The following TNNC2 variants were observed in gnomAD, a reference collection of about 807,000 sequenced individuals.
TNNC2 encodes troponin C2, fast skeletal type, also known as troponin C, skeletal muscle.
TNNC2 carries 14 observed loss-of-function variants against 20.0 expected under a neutral mutation model. That is an observed-to-expected ratio of 0.70 (90% CI 0.46 to 1.09). The LOEUF is 1.09. Ranked by LOEUF, TNNC2 falls within the 50% of genes least tolerant of loss-of-function variation. TNNC2 has a pLI of 0.00. For synonymous variants in TNNC2, 81 were observed against 77.3 expected (o/e 1.05, Z -0.25); for missense variants, 163 against 223.8 (o/e 0.73, Z 1.73).
Position 45,823,214 on chromosome 20 carries a change from T to G in TNNC2, c.*134A>C. ...GCTCTCCCCTCATTCAGGCCACGAG[T>G]TTTGGAACATTTGCTTTTATTCCTT... On this transcript the variant is annotated 3_prime_UTR_variant, in exon 6 of 6. Coordinates refer to ENST00000372555, the MANE Select transcript of TNNC2 (RefSeq NM_003279.3). The surrounding 1 kb of genome is among the most constrained non-coding windows in gnomAD (Gnocchi z 4.6). 3 of 848,700 alleles carry G rather than the reference T, an allele frequency of 3.5e-6. No individual in the cohort carries two copies. Among genetic ancestry groups the G allele is most frequent in the Non-Finnish European group, 5.1e-6 (3 of 592,386 alleles). The allele number at this position is 848,700 out of a possible 1,614,324, so 52.6% of individuals were successfully genotyped here.
chr20:45,829,848 C>G (rs184731215), upstream of TNNC2, among the ~76,000 whole-genome samples: 2,002 of 150,950 alleles, frequency 0.013, 51 homozygotes, highest in East Asian at 0.13. Flanking sequence ...CTCAAGTGAT[C>G]CGCCTGCCTC....
chr20:45,826,168 C>T (rs908524188), intron 1 of TNNC2, among the ~76,000 whole-genome samples: 3 of 152,028 alleles, frequency 2.0e-5, no homozygotes, highest in African/African-American at 4.8e-5. Flanking sequence ...TAATGGTGCC[C>T]GGTACTTTAA....
chr20:45,823,276 T>TG lies in TNNC2; in HGVS notation c.*71dup. 1.4e-6 allele frequency: 2 copies of TG among 1,434,776 alleles called. No homozygotes were observed. Among genetic ancestry groups the TG allele is most frequent in the Non-Finnish European group, 9.4e-7 (1 of 1,068,520 alleles). 88.9% of individuals were successfully genotyped at this position (1,434,776 alleles called of 1,614,324 possible). On this transcript the variant is annotated 3_prime_UTR_variant, in exon 6 of 6. Coordinates refer to ENST00000372555, the MANE Select transcript of TNNC2 (RefSeq NM_003279.3). The surrounding 1 kb of genome is among the most constrained non-coding windows in gnomAD (Gnocchi z 4.6). Reference sequence around the variant, plus strand: ...CCCACAAGGGGTCGCGCCTCCCTGGTGGGGACCCGGCAGGGCGGAGTCTCC... The same window carrying TG: ...CCCACAAGGGGTCGCGCCTCCCTGGTGGGGGACCCGGCAGGGCGGAGTCTCC...
In TNNC2 at chr20:45,823,292, C is replaced by T. The variant is rs1982855757; in HGVS notation, c.*56G>A. The T allele has an allele frequency of 2.2e-5, 33 of 1,497,364 alleles. No homozygotes were observed. Among genetic ancestry groups the T allele is most frequent in the South Asian group, 1.4e-4 (11 of 78,540 alleles). The allele number at this position is 1,497,364 out of a possible 1,614,324, so 92.8% of individuals were successfully genotyped here. Reference sequence around the variant, plus strand: ...CCTCCCTGGTGGGGACCCGGCAGGGCGGAGTCTCCCACACCCTAGGGACAC... The same window carrying T: ...CCTCCCTGGTGGGGACCCGGCAGGGTGGAGTCTCCCACACCCTAGGGACAC... On this transcript the variant is annotated 3_prime_UTR_variant, in exon 6 of 6. Transcript: ENST00000372555. The surrounding 1 kb of genome is among the most constrained non-coding windows in gnomAD (Gnocchi z 4.6).
upstream of TNNC2, chr20:45,827,365 C>T: frequency 7.3e-7 from 1 of 1,362,554 alleles, no homozygotes; most frequent in Non-Finnish European, 1.0e-6. Context: ...CCCCTCCCAC[C>T]TCCCTGCTCC....
upstream of TNNC2, among the ~76,000 whole-genome samples, chr20:45,829,886 C>T (rs1983068757): frequency 6.6e-6 from 1 of 151,570 alleles, no homozygotes; most frequent in African/African-American, 2.4e-5. Context: ...GGATTACAGG[C>T]ATGAGCCCCT....
chr20:45,825,956 A>G (rs980757016), intron 1 of TNNC2, among the ~76,000 whole-genome samples: 1 of 152,120 alleles, frequency 6.6e-6, no homozygotes, highest in Non-Finnish European at 1.5e-5. Context: ...AGGAGACAAC[A>G]AGTTAAGCCC....
chr20:45,828,970 G>GT (rs1387233319), upstream of TNNC2, among the ~76,000 whole-genome samples: 1 of 151,924 alleles, frequency 6.6e-6, no homozygotes, highest in Admixed American at 6.6e-5. Flanking sequence ...AGTTTTTATT[G>GT]TTTTTTGGTT....
At chr20:45,825,027 A>G (rs944440945) in intron 1 of TNNC2, among the ~76,000 whole-genome samples, 193 bp from the exon 2 acceptor site, 3 of 152,172 alleles carry the variant, frequency 2.0e-5, no homozygotes, top group Non-Finnish European at 4.4e-5. Context: ...TCTGTCACAC[A>G]TGCTGGAGTG....
rs924565990 is a variant in TNNC2, at chr20:45,823,931, C to T, written c.451+60G>A. The T allele has an allele frequency of 5.0e-6, 8 of 1,607,852 alleles. No individual in the cohort carries two copies. Among genetic ancestry groups the T allele is most frequent in the Non-Finnish European group, 6.8e-6 (8 of 1,176,324 alleles). On this transcript the variant is annotated intron_variant, in intron 5 of 5. Transcript: ENST00000372555. This position sits in a 1 kb window ranked among gnomAD's most constrained non-coding sequence, Gnocchi z 4.6. ...AGGACACTGCACCGGAGCCAGGCAC[C>T]AGTGCCCGCCGTCCTCTGGGGCTCC...
chr20:45,824,786 C>G lies in TNNC2; in HGVS notation c.52G>C (p.Ala18Pro). 2 of 1,613,042 alleles carry G rather than the reference C, an allele frequency of 1.2e-6. No individual in the cohort carries two copies. Among genetic ancestry groups the G allele is most frequent in the Non-Finnish European group, 1.7e-6 (2 of 1,179,938 alleles). Residue 18 changes from alanine to proline, a missense_variant, in exon 2 of 6, where the codon GCT becomes CCT. By Grantham distance (27) the Ala-to-Pro change is conservative (BLOSUM62 -1). Coordinates refer to ENST00000372555, the MANE Select transcript of TNNC2 (RefSeq NM_003279.3). ...CAGCCTGCCGCGCCTCACTCACCAG[C>G]GATCATCTCTTCGCTGAGGTAGGAC... ...ARSYLSEEMI[A>P]EFKAAFDMFD...
intron 2 of TNNC2, among the ~76,000 whole-genome samples, chr20:45,832,688 T>C (rs1601060025): frequency 6.6e-6 from 1 of 152,250 alleles, no homozygotes; most frequent in African/African-American, 2.4e-5. Flanking sequence ...TTATTTATTG[T>C]ATTGTATAAC....
Position 45,823,498 on chromosome 20 carries a change from C to T in TNNC2, c.452-119G>A, listed in dbSNP as rs1982864274. The T allele has an allele frequency of 9.9e-7, 1 of 1,008,128 alleles. No homozygotes were observed. Among genetic ancestry groups the T allele is most frequent in the African/African-American group, 1.6e-5 (1 of 61,618 alleles). 62.4% of individuals were successfully genotyped at this position (1,008,128 alleles called of 1,614,324 possible). A position where few individuals can be genotyped will look rare whatever the true frequency, so the allele number is the denominator to read the frequency against. ...TTTTGTTTTTGTTGAGACAGAGTCT[C>T]ACTCTGTTGCCAAGGTCGCCAAGGT... On this transcript the variant is annotated intron_variant, in intron 5 of 5. Transcript: ENST00000372555. The surrounding 1 kb of genome is among the most constrained non-coding windows in gnomAD (Gnocchi z 4.6).
intron 2 of TNNC2, chr20:45,833,186 AAGAG>A (rs766851638): frequency 5.3e-5 from 8 of 151,800 alleles, no homozygotes; most frequent in African/African-American, 7.3e-5. Context: ...GAAAGAAAGA[AAGAG>A]AGAGAGAGAA....
chr20:45,824,738 C>T (rs1397314357), intron 2 of TNNC2, 45 bp downstream of exon 2: 1 of 1,594,060 alleles, frequency 6.3e-7, no homozygotes, highest in Admixed American at 1.7e-5. Context: ...CAACATGTCC[C>T]CAGCATACAT....
At chr20:45,829,781 G>A (rs373547657), upstream of TNNC2, among the ~76,000 whole-genome samples, 3 of 143,360 alleles carry the variant, frequency 2.1e-5, no homozygotes, top group African/African-American at 5.5e-5. Context: ...GCAAGACCCC[G>A]TCTCAAAAAA....
intron 2 of TNNC2, 67 bp downstream of exon 2, chr20:45,824,716 C>CCCCCCCCCCCAG: frequency 6.3e-7 from 1 of 1,598,014 alleles, no homozygotes; most frequent in Non-Finnish European, 8.5e-7. Context: ...AACCCCCACC[C>CCCCCCCCCCCAG]TGCCTAGAGG....
upstream of TNNC2, among the ~76,000 whole-genome samples, chr20:45,830,718 G>A (rs914475301): frequency 6.6e-6 from 1 of 152,176 alleles, no homozygotes; most frequent in Non-Finnish European, 1.5e-5. Context: ...AATATAAGGG[G>A]GAACTTCCTA....
rs1982870167 is a variant in TNNC2, at chr20:45,823,685, G to T, written c.451+306C>A. Among the ~76,000 whole-genome samples, 2 of 151,936 alleles carry T rather than the reference G, an allele frequency of 1.3e-5. No individual in the cohort carries two copies. Among genetic ancestry groups the T allele is most frequent in the African/African-American group, 2.4e-5 (1 of 41,356 alleles). ...TTATTTTATTTTTTGTAAAGACAGG[G>T]TCTCACTATGTTGCCCAGGCTGGTC... On this transcript the variant is annotated intron_variant, in intron 5 of 5. Transcript: ENST00000372555. The surrounding 1 kb of genome is among the most constrained non-coding windows in gnomAD (Gnocchi z 4.6).
Sources: allele counts gnomAD v4.1 joint callset (sites outside exome capture counted in the v4.1 genomes callset), GRCh38; gene constraint gnomAD v4.1.1; non-coding constraint Gnocchi (gnomAD v3.1); transcripts MANE v1.5; gene names NCBI Gene and HGNC (gene_info 2026-07-23, HGNC 2026-07-21).